SPINK5: variants seen among roughly 807,000 people sequenced by gnomAD.
SPINK5 encodes serine protease inhibitor Kazal-type 5.
A neutral mutation model predicts 151.8 loss-of-function variants in SPINK5; 125 were observed. The ratio of observed to expected loss-of-function variants is 0.82; its 90% CI spans 0.71 to 0.96. SPINK5 has a LOEUF of 0.96. SPINK5 is among the 40% of genes least tolerant of loss of function. The pLI, the probability that SPINK5 is intolerant of heterozygous loss-of-function variation, is 0.00. For synonymous variants in SPINK5, 374 were observed against 395.3 expected (o/e 0.95, Z 0.64); for missense variants, 1,194 against 1,291.9 (o/e 0.92, Z 1.16).
chr5:148,094,329 A>C, intron 8 of SPINK5, 25 bp from the exon 9 acceptor site: 1 of 1,609,728 alleles, frequency 6.2e-7, no homozygotes, highest in Non-Finnish European at 8.5e-7. Context: ...AATGAAGTAA[A>C]ATAAATATAA....
intron 4 of SPINK5, 149 bp downstream of exon 4, chr5:148,072,369 C>A: frequency 1.3e-6 from 1 of 798,066 alleles, no homozygotes. Flanking sequence ...CAGGGGTGGG[C>A]TAAATATCTG....
rs376634443 is a variant in SPINK5 at position 148,070,484 on chromosome 5, T to A, written c.209+34T>A. The A allele has an allele frequency of 3.7e-5, 60 of 1,610,526 alleles. No individual in the cohort carries two copies. The African/African-American group carries it at 5.6e-4, about 15-fold the overall frequency. The stretch of plus-strand genomic sequence containing the variant: ...AGGTTTCTTTCTTTCTTTCCAATGT[T>A]TGAGTTAACAGCTAGTCTCTGAACT... On this transcript the variant is annotated intron_variant, in intron 3 of 32. Transcript: ENST00000256084.
intron 26 of SPINK5, among the ~76,000 whole-genome samples, chr5:148,123,328 G>A (rs964575925): frequency 6.9e-6 from 1 of 144,228 alleles, no homozygotes; most frequent in East Asian, 2.0e-4. Flanking sequence ...CTCCAGGCTG[G>A]ACAACAGAAC....
intron 4 of SPINK5, among the ~76,000 whole-genome samples, chr5:148,081,133 G>T (rs1324447904): frequency 6.6e-6 from 1 of 151,526 alleles, no homozygotes; most frequent in Non-Finnish European, 1.5e-5. Flanking sequence ...AAATGTTAAG[G>T]GTGTGGAGAA....
chr5:148,114,662 T>C (rs1239860578), intron 21 of SPINK5, among the ~76,000 whole-genome samples, 173 bp downstream of exon 21: 1 of 152,238 alleles, frequency 6.6e-6, no homozygotes, highest in Non-Finnish European at 1.5e-5. Flanking sequence ...TTCACAGTTC[T>C]AGAAATAAAA....
In SPINK5 at chr5:148,112,861, C is replaced by G. The variant is rs561379882; in HGVS notation, c.1821-7C>G. ...GAATGATTGTTTTGTCCTCCCTTTTCTTATAGCCAGCAAGAAGCAAAAGAA... is the reference window on the plus strand; with the variant it reads ...GAATGATTGTTTTGTCCTCCCTTTTGTTATAGCCAGCAAGAAGCAAAAGAA... On this transcript the variant is annotated splice_polypyrimidine_tract_variant and splice_region_variant and intron_variant, in intron 19 of 32. Coordinates refer to ENST00000256084, the MANE Select transcript of SPINK5 (RefSeq NM_006846.4). 4.3e-6 allele frequency: 7 copies of G among 1,613,738 alleles called. No homozygotes were observed. In the African/African-American group the frequency reaches 9.3e-5, roughly 22 times the overall value.
chr5:148,078,715 T>C (rs77710874), intron 4 of SPINK5, among the ~76,000 whole-genome samples: 5,027 of 150,620 alleles, frequency 0.033, 104 homozygotes, highest in Middle Eastern at 0.065. Flanking sequence ...TTGAGAGAAA[T>C]TGGAAAATAA....
At chr5:148,122,242 A>T (rs981889621) in intron 26 of SPINK5, among the ~76,000 whole-genome samples, 3 of 152,186 alleles carry the variant, frequency 2.0e-5, no homozygotes, top group Non-Finnish European at 4.4e-5. Context: ...GTGCTATTAT[A>T]AAAATATGTG....
In SPINK5 at chr5:148,133,823, G is replaced by A. The variant is rs1412152696; in HGVS notation, c.3122G>A (p.Arg1041His). Residue 1041 changes from arginine (R) to histidine (H), a missense_variant, in exon 32 of 33, where the codon CGC becomes CAC. Arg to His is a conservative substitution (Grantham distance 29, BLOSUM62 0). Coordinates refer to ENST00000256084, the MANE Select transcript of SPINK5 (RefSeq NM_006846.4). Reference sequence around the variant, plus strand: ...ATACGCCAAACAAATACACACATCCGCAGTACAGGGAAGTGTGAGGAGAGC... The same window carrying A: ...ATACGCCAAACAAATACACACATCCACAGTACAGGGAAGTGTGAGGAGAGC... ...NLIRQTNTHI[R>H]STGKCEESST... 5 of 1,613,924 alleles carry A rather than the reference G, an allele frequency of 3.1e-6. No homozygotes were observed. Among genetic ancestry groups the A allele is most frequent in the East Asian group, 4.5e-5 (2 of 44,888 alleles).
At position 148,124,836 on chromosome 5, in the gene SPINK5, A is replaced by C; in HGVS notation, c.2738A>C (p.Lys913Thr). ...AGTAGCAAGCCCTCAAATAATGCAA[A>C]GGTTATTTATTAAAGGATACCAAAA... ...KSSSKPSNNA[K>T]DECSEFRNYI... The change falls in exon 28 of 33, where the codon AAG (lysine) becomes ACG (threonine). Residue 913 changes from lysine (K) to threonine (T), a missense_variant and splice_region_variant. Transcript: ENST00000256084. 6.3e-7 allele frequency: 1 copy of C among 1,596,946 alleles called. No homozygotes were observed. Among genetic ancestry groups the C allele is most frequent in the South Asian group, 1.2e-5 (1 of 86,754 alleles).
At position 148,100,499 on chromosome 5, in the gene SPINK5, G is replaced by A. The variant is rs1440668232; in HGVS notation, c.1138G>A (p.Ala380Thr). 2 of 1,613,126 alleles carry A rather than the reference G, an allele frequency of 1.2e-6. No individual in the cohort carries two copies. Among genetic ancestry groups the A allele is most frequent in the Non-Finnish European group, 1.7e-6 (2 of 1,179,314 alleles). Residue 380 changes from alanine (A) to threonine (T), a missense_variant, in exon 13 of 33, where the codon GCT (alanine) becomes ACT (threonine). Coordinates refer to ENST00000256084, the MANE Select transcript of SPINK5 (RefSeq NM_006846.4). ...YRKLVRNGKLACTRENDPIQG... is the reference protein window; with the variant it reads ...YRKLVRNGKLTCTRENDPIQG... ...AAAGCTTGTGAGGAACGGAAAACTTGCTTGCACCAGAGAGAACGATCCTAT... is the reference window on the plus strand; with the variant it reads ...AAAGCTTGTGAGGAACGGAAAACTTACTTGCACCAGAGAGAACGATCCTAT...
At chr5:148,121,682 G>T (rs906902650) in intron 26 of SPINK5, among the ~76,000 whole-genome samples, 16 of 151,720 alleles carry the variant, frequency 1.1e-4, no homozygotes, top group African/African-American at 3.9e-4. Context: ...TGGAGGCAGG[G>T]TGTGGTAACT....
chr5:148,111,465 T>C (rs771158146), intron 18 of SPINK5, among the ~76,000 whole-genome samples: 1 of 152,210 alleles, frequency 6.6e-6, no homozygotes, highest in Non-Finnish European at 1.5e-5. Context: ...AACGGTATTA[T>C]TCTGTATACC....
intron 18 of SPINK5, among the ~76,000 whole-genome samples, chr5:148,110,930 C>A (rs1454434587): frequency 1.3e-5 from 2 of 151,746 alleles, no homozygotes; most frequent in Non-Finnish European, 2.9e-5. Context: ...ATGTAACAAA[C>A]CTGCATGCTC....
chr5:148,080,624 C>A (rs1222779123), intron 4 of SPINK5, among the ~76,000 whole-genome samples: 2 of 151,178 alleles, frequency 1.3e-5, no homozygotes, highest in Non-Finnish European at 3.0e-5. Context: ...TTATCTTATA[C>A]CATACACAAA....
chr5:148,127,577 G>A (rs1754461654), intron 30 of SPINK5, among the ~76,000 whole-genome samples: 1 of 152,100 alleles, frequency 6.6e-6, no homozygotes, highest in South Asian at 2.1e-4. Flanking sequence ...GCTGAGCTGG[G>A]TGCGGTGGCT....
chr5:148,124,703 A>T, intron 27 of SPINK5, 62 bp from the exon 28 acceptor site: 1 of 1,347,674 alleles, frequency 7.4e-7, no homozygotes, highest in Non-Finnish European at 1.0e-6. Flanking sequence ...ATACTTGGTT[A>T]AAGACAATTC....
At chr5:148,069,249 A>G (rs990688089) in intron 2 of SPINK5, among the ~76,000 whole-genome samples, 5 of 151,642 alleles carry the variant, frequency 3.3e-5, no homozygotes, top group African/African-American at 1.2e-4. Context: ...AATAATATTT[A>G]ATATTATTTA....
chr5:148,128,748 C>T (rs887588710), intron 30 of SPINK5, among the ~76,000 whole-genome samples: 13 of 152,130 alleles, frequency 8.5e-5, no homozygotes, highest in Non-Finnish European at 8.8e-5. Flanking sequence ...TGGTCTCGAT[C>T]TCCTGACCTC....
Sources: allele counts gnomAD v4.1 joint callset (sites outside exome capture counted in the v4.1 genomes callset), GRCh38; gene constraint gnomAD v4.1.1; transcripts MANE v1.5; gene names NCBI Gene and HGNC (gene_info 2026-07-23, HGNC 2026-07-21).